The following DST variants were observed in gnomAD, a reference collection of about 807,000 sequenced individuals.
DST encodes the protein dystonin.
DST carries 253 observed loss-of-function variants against 875.2 expected under a neutral mutation model. The ratio of observed to expected loss-of-function variants is 0.29; its 90% confidence interval spans 0.26 to 0.32. The LOEUF (loss-of-function observed/expected upper bound fraction) is 0.32. Among genes scored for constraint, DST ranks in the 10% least tolerant of loss-of-function variants. The pLI is 1.00. For synonymous variants in DST, 3,124 were observed against 3,197.1 expected (o/e 0.98, Z 0.77); for missense variants, 8,287 against 9,111.6 (o/e 0.91, Z 3.68).
intron 4 of DST, among the ~76,000 whole-genome samples, chr6:56,741,267 T>C (rs2152937512): frequency 6.6e-6 from 1 of 152,330 alleles, no homozygotes; most frequent in Admixed American, 6.5e-5. Flanking sequence ...GCACTGCTAA[T>C]AACATGATAT....
At chr6:56,719,988 T>C (rs1167995690) in intron 5 of DST, among the ~76,000 whole-genome samples, 1 of 152,212 alleles carries the variant, frequency 6.6e-6, no homozygotes, top group African/African-American at 2.4e-5. Context: ...CAGACACCAC[T>C]GTCACTGATA....
intron 3 of DST, among the ~76,000 whole-genome samples, chr6:56,878,850 T>A (rs775660605): frequency 3.3e-5 from 5 of 152,160 alleles, no homozygotes; most frequent in Non-Finnish European, 5.9e-5. Context: ...AATATTAACG[T>A]TGAATATGAA....
At chr6:56,587,645 A>T (rs145145939) in intron 49 of DST, among the ~76,000 whole-genome samples, 13,276 of 152,076 alleles carry the variant, frequency 0.087, 1,879 homozygotes, top group African/African-American at 0.3. Context: ...GAAAAAATGT[A>T]AAGGGCAGCC....
At chr6:56,919,631 T>C (rs1403734392) in intron 2 of DST, among the ~76,000 whole-genome samples, 1 of 152,202 alleles carries the variant, frequency 6.6e-6, no homozygotes, top group Non-Finnish European at 1.5e-5. Flanking sequence ...TATTATTTAC[T>C]AAACTCCTAC....
chr6:56,900,704 C>G, intron 2 of DST, 83 bp from the exon 3 acceptor site: 1 of 1,066,486 alleles, frequency 9.4e-7, no homozygotes, highest in Non-Finnish European at 1.3e-6. Flanking sequence ...ATACAAAGAG[C>G]TCCAAAAGTC....
At chr6:56,546,750 C>T (rs1028039326) in intron 61 of DST, among the ~76,000 whole-genome samples, 1 of 152,040 alleles carries the variant, frequency 6.6e-6, no homozygotes, top group Non-Finnish European at 1.5e-5. Context: ...TGTCTAATTT[C>T]ATAACAAGGC....
intron 4 of DST, among the ~76,000 whole-genome samples, chr6:56,803,502 C>T (rs906901738): frequency 6.6e-6 from 1 of 152,130 alleles, no homozygotes; most frequent in Non-Finnish European, 1.5e-5. Context: ...TTCCATTTAA[C>T]CTAACTACCA....
intron 36 of DST, chr6:56,616,093 T>C: frequency 6.2e-7 from 1 of 1,614,172 alleles, no homozygotes; most frequent in South Asian, 1.1e-5. Flanking sequence ...CAGAGATCCT[T>C]TCCCCACTAG....
At chr6:56,894,432 G>A in intron 3 of DST, among the ~76,000 whole-genome samples, 1 of 68,510 alleles carries the variant, frequency 1.5e-5, no homozygotes, top group Admixed American at 1.1e-4. Flanking sequence ...GGGGCGGCCG[G>A]GCAGAGGCGC....
At chr6:56,774,334 T>G (rs959158884) in intron 4 of DST, among the ~76,000 whole-genome samples, 2 of 152,010 alleles carry the variant, frequency 1.3e-5, no homozygotes, top group African/African-American at 4.8e-5. Context: ...AAAAAAGTCA[T>G]TTCCCACCCA....
intron 9 of DST, among the ~76,000 whole-genome samples, chr6:56,696,590 G>C (rs2099265364): frequency 6.6e-6 from 1 of 152,074 alleles, no homozygotes; most frequent in Non-Finnish European, 1.5e-5. Context: ...CTCAAACTCA[G>C]CCTCTAAATA....
At chr6:56,569,739 A>G in intron 54 of DST, 117 bp downstream of exon 54, 2 of 791,620 alleles carry the variant, frequency 2.5e-6, no homozygotes, top group Non-Finnish European at 3.8e-6. Flanking sequence ...CAAAATATAC[A>G]GTACATATAT....
rs1196334725 is a variant in DST, at chr6:56,501,478, A to G, written c.19740+42T>C. 41 of 1,381,874 alleles carry G rather than the reference A, an allele frequency of 3.0e-5. No homozygotes were observed. The East Asian group carries it at 1.0e-3, about 35-fold the overall frequency. The allele number at this position is 1,381,874 out of a possible 1,614,324, so 85.6% of individuals were successfully genotyped here. A position where few individuals can be genotyped will look rare whatever the true frequency, so the allele number is the denominator to read the frequency against. ...TAATTATTTTACATTAATATCTGAA[A>G]TTGAAAATTTATAATTTCTTAAGAA... On this transcript the variant is annotated intron_variant, in intron 79 of 103. Coordinates refer to ENST00000680361, the MANE Select transcript of DST (RefSeq NM_001374736.1).
At chr6:56,612,188 T>C (rs910433229) in intron 37 of DST, among the ~76,000 whole-genome samples, 2 of 152,038 alleles carry the variant, frequency 1.3e-5, no homozygotes, top group Admixed American at 1.3e-4. Flanking sequence ...CTGAGCAACA[T>C]GGTGAAATAT....
intron 71 of DST, among the ~76,000 whole-genome samples, chr6:56,515,927 A>G (rs539705926): frequency 6.6e-6 from 1 of 152,280 alleles, no homozygotes; most frequent in Admixed American, 6.5e-5. Context: ...AGTCATTCTT[A>G]CAATGGCTTC....
chr6:56,670,128 C>CCGTG (rs1423619077), intron 10 of DST, among the ~76,000 whole-genome samples: 12 of 106,680 alleles, frequency 1.1e-4, no homozygotes, highest in Non-Finnish European at 1.5e-4. Flanking sequence ...GTGCGAGCGC[C>CCGTG]CGTGCGTGTG....
At chr6:56,943,836 G>C (rs977754147) in intron 2 of DST, among the ~76,000 whole-genome samples, 3 of 152,092 alleles carry the variant, frequency 2.0e-5, no homozygotes, top group African/African-American at 7.2e-5. Flanking sequence ...AAAATACGGG[G>C]CCAGGCAGAG....
At chr6:56,819,881 G>C (rs1476711855) in intron 4 of DST, among the ~76,000 whole-genome samples, 1 of 152,092 alleles carries the variant, frequency 6.6e-6, no homozygotes, top group Non-Finnish European at 1.5e-5. Context: ...TTTTCTTGTT[G>C]ATTTATATAA....
intron 5 of DST, among the ~76,000 whole-genome samples, chr6:56,708,807 A>C (rs1269228720): frequency 3.3e-5 from 5 of 152,246 alleles, no homozygotes; most frequent in African/African-American, 1.2e-4. Flanking sequence ...GGGAAAGAAA[A>C]GAAGGGAAAG....
Sources: allele counts gnomAD v4.1 joint callset (sites outside exome capture counted in the v4.1 genomes callset), GRCh38; gene constraint gnomAD v4.1.1; transcripts MANE v1.5; gene names NCBI Gene and HGNC (gene_info 2026-07-23, HGNC 2026-07-21).